HOMER2: variants seen among roughly 807,000 people sequenced by gnomAD.
HOMER2 encodes the protein homer scaffold protein 2.
A neutral mutation model predicts 47.0 loss-of-function variants in HOMER2; 27 were observed. The ratio of observed to expected loss-of-function variants is 0.57; its 90% CI spans 0.42 to 0.79. The LOEUF is 0.79. Among genes scored for constraint, HOMER2 ranks in the 30% least tolerant of loss-of-function variants. HOMER2 has a pLI of 0.00. For missense variants in HOMER2, 443 were observed against 435.0 expected (o/e 1.02, Z -0.16); for synonymous variants, 161 against 163.8 (o/e 0.98, Z 0.13).
intron 7 of HOMER2, 66 bp from the exon 8 acceptor site, chr15:82,851,297 C>A: frequency 8.9e-7 from 1 of 1,127,314 alleles, no homozygotes; most frequent in Non-Finnish European, 1.3e-6. Context: ...TTGAAAATCA[C>A]CAATGTGTGC....
intron 3 of HOMER2, among the ~76,000 whole-genome samples, chr15:82,873,536 C>G (rs987244016): frequency 6.6e-6 from 1 of 152,236 alleles, no homozygotes; most frequent in Non-Finnish European, 1.5e-5. Context: ...CATCCAGGAT[C>G]ACAGCACACA....
chr15:82,873,610 C>T (rs955091625), intron 3 of HOMER2, among the ~76,000 whole-genome samples: 2 of 152,170 alleles, frequency 1.3e-5, no homozygotes, highest in Non-Finnish European at 2.9e-5. Context: ...CAATGACCTG[C>T]CCTCGAGATT....
downstream of HOMER2, chr15:82,835,812 G>C (rs1206840844): frequency 1.3e-5 from 2 of 152,272 alleles, no homozygotes; most frequent in Non-Finnish European, 2.9e-5. Flanking sequence ...CTGTGGCCCA[G>C]GCCTCCTTCC....
chr15:82,860,020 G>A (rs2051724181), intron 4 of HOMER2, among the ~76,000 whole-genome samples: 1 of 152,160 alleles, frequency 6.6e-6, no homozygotes, highest in African/African-American at 2.4e-5. Context: ...GGCTGAGGCG[G>A]GCAGATCACC....
At chr15:82,863,595 TC>T (rs569376210) in intron 4 of HOMER2, among the ~76,000 whole-genome samples, 139 of 152,258 alleles carry the variant, frequency 9.1e-4, no homozygotes, top group African/African-American at 3.2e-3. Context: ...TAGGTCGACT[TC>T]CCCCACCACC....
chr15:82,849,599 C>T lies in HOMER2; in HGVS notation c.*116G>A. On this transcript the variant is annotated 3_prime_UTR_variant, in exon 9 of 9. Transcript: ENST00000450735. ...GTGGACGGCACAACTGGTTTGGAAACACGACAAACTGCGCCTGCATTTACA... is the reference window on the plus strand; with the variant it reads ...GTGGACGGCACAACTGGTTTGGAAATACGACAAACTGCGCCTGCATTTACA... 1 of 866,004 alleles carries T rather than the reference C, an allele frequency of 1.2e-6. No individual in the cohort carries two copies. Among genetic ancestry groups the T allele is most frequent in the South Asian group, 1.8e-5 (1 of 55,326 alleles). The allele number at this position is 866,004 out of a possible 1,614,324, so 53.6% of individuals were successfully genotyped here. A position where few individuals can be genotyped will look rare whatever the true frequency, so the allele number is the denominator to read the frequency against.
intron 1 of HOMER2, among the ~76,000 whole-genome samples, chr15:82,928,925 C>CA (rs1010200226): frequency 4.2e-5 from 1 of 23,622 alleles, no homozygotes; most frequent in South Asian, 5.6e-4. Flanking sequence ...TAACAACTGG[C>CA]AAAAAAATAA....
chr15:82,975,174 C>T (rs1211032132), intron 1 of HOMER2, among the ~76,000 whole-genome samples: 5 of 152,186 alleles, frequency 3.3e-5, no homozygotes, highest in Non-Finnish European at 7.3e-5. Flanking sequence ...TATCATCTCA[C>T]CCCAGTTAAA....
intron 1 of HOMER2, among the ~76,000 whole-genome samples, chr15:82,902,411 CG>C (rs1044651918): frequency 6.6e-6 from 1 of 151,926 alleles, no homozygotes; most frequent in Non-Finnish European, 1.5e-5. Flanking sequence ...TTGACCAGGC[CG>C]GTTTCAAACT....
chr15:82,838,444 TC>T (rs1295566442), exon 2 of HOMER2: 1 of 152,170 alleles, frequency 6.6e-6, no homozygotes, highest in Non-Finnish European at 1.5e-5. Context: ...TGGTCTTGAC[TC>T]CCGTGCAAAC....
intron 1 of HOMER2, among the ~76,000 whole-genome samples, chr15:82,917,688 G>A (rs887372339): frequency 5.3e-5 from 8 of 152,208 alleles, no homozygotes; most frequent in Non-Finnish European, 1.0e-4. Flanking sequence ...TAAACCCATT[G>A]TTCTACAGCC....
intron 8 of HOMER2, among the ~76,000 whole-genome samples, chr15:82,850,931 T>C (rs962717630): frequency 6.6e-6 from 1 of 152,238 alleles, no homozygotes; most frequent in Non-Finnish European, 1.5e-5. Context: ...GGGGCCTTCA[T>C]AGAACTTGCA....
upstream of HOMER2, chr15:82,952,832 G>C (rs2054539782): frequency 2.1e-6 from 1 of 466,600 alleles, no homozygotes; most frequent in South Asian, 9.2e-5. Context: ...CCGCGGCAGC[G>C]AGCCAAGAGG....
At chr15:82,898,500 G>C (rs539690555) in intron 1 of HOMER2, 2 of 152,150 alleles carry the variant, frequency 1.3e-5, no homozygotes, top group African/African-American at 4.8e-5. Flanking sequence ...AGATGTTTCC[G>C]GATGGCAGAA....
At chr15:82,949,341 G>A (rs1324426780) in intron 1 of HOMER2, among the ~76,000 whole-genome samples, 2 of 152,176 alleles carry the variant, frequency 1.3e-5, no homozygotes, top group Non-Finnish European at 2.9e-5. Context: ...AAGGAACCAG[G>A]ACCAGTCCCT....
rs1244361918 is a variant in HOMER2 at position 82,868,523 on chromosome 15, T to TTATATATATATATA, written c.295-4278_295-4265dup. 4.8e-3 allele frequency among the ~76,000 whole-genome samples: 177 copies of TTATATATATATATA among 36,630 alleles called. 9 individuals carry two copies. Among genetic ancestry groups the TTATATATATATATA allele is most frequent in the Admixed American group, 6.6e-3 (13 of 1,984 alleles). 24.0% of individuals were successfully genotyped at this position (36,630 alleles called of 152,430 possible). A position where few individuals can be genotyped will look rare whatever the true frequency, so the allele number is the denominator to read the frequency against. On this transcript the variant is annotated intron_variant, in intron 3 of 8. Coordinates refer to ENST00000450735, the MANE Select transcript of HOMER2 (RefSeq NM_004839.4). The stretch of plus-strand genomic sequence containing the variant: ...AAGTTATATATATCACTTATTTATT[T>TTATATATATATATA]TATATATATATATATATATTTTTTT...
At chr15:82,862,538 C>T (rs919118771) in intron 4 of HOMER2, among the ~76,000 whole-genome samples, 24 of 152,136 alleles carry the variant, frequency 1.6e-4, no homozygotes, top group African/African-American at 2.9e-4. Context: ...CTGTACTATG[C>T]GGTATTCTGA....
chr15:82,854,993 G>T (rs1315402821), intron 5 of HOMER2, among the ~76,000 whole-genome samples, 193 bp from the exon 6 acceptor site: 1 of 152,170 alleles, frequency 6.6e-6, no homozygotes, highest in Non-Finnish European at 1.5e-5. Context: ...TCTCTGGTGT[G>T]AACATGTCAT....
At chr15:82,940,635 A>T (rs911237965) in intron 1 of HOMER2, among the ~76,000 whole-genome samples, 4 of 152,102 alleles carry the variant, frequency 2.6e-5, no homozygotes, top group African/African-American at 9.7e-5. Context: ...CCAGCTACTC[A>T]GGAGGCTGAG....
Sources: gnomAD v4.1 joint callset for allele counts (sites outside exome capture counted in the v4.1 genomes callset) on GRCh38, gnomAD v4.1.1 for gene constraint, MANE v1.5 for transcripts, NCBI Gene and HGNC (gene_info 2026-07-23, HGNC 2026-07-21) for gene names.